Variants in CFI observed in about 807,000 individuals in gnomAD.
CFI encodes C3B/C4B inactivator.
In CFI, 66 loss-of-function variants were observed where a neutral mutation model predicts 78.8. The ratio of observed to expected loss-of-function variants is 0.84; its 90% CI spans 0.69 to 1.03. The LOEUF is 1.03. CFI is among the 50% of genes least tolerant of loss of function. The pLI is 0.00. For missense variants in CFI, 706 were observed against 704.5 expected (o/e 1.00, Z -0.02); for synonymous variants, 250 against 232.6 (o/e 1.07, Z -0.68).
At chr4:109,781,285 G>T (rs1216317594) in intron 1 of CFI, among the ~76,000 whole-genome samples, 2 of 151,664 alleles carry the variant, frequency 1.3e-5, no homozygotes, top group African/African-American at 4.8e-5. Context: ...AAGAAAAGAA[G>T]AGAAAAAAAT....
In CFI at chr4:109,782,406, A is replaced by G. The variant is rs550231086; in HGVS notation, c.58-15582T>C. Among the ~76,000 whole-genome samples the G allele has an allele frequency of 9.6e-4, 139 of 145,044 alleles. 1 individual carries two copies. Among genetic ancestry groups the G allele is most frequent in the African/African-American group, 3.4e-3 (133 of 39,002 alleles). On this transcript the variant is annotated intron_variant, in intron 1 of 12. Transcript: ENST00000394634. ...CGACCAAGCACAGAATCAAATCAAGAACTCAACCCCTTTTACAATAGCTGC... is the reference window on the plus strand; with the variant it reads ...CGACCAAGCACAGAATCAAATCAAGGACTCAACCCCTTTTACAATAGCTGC...
At chr4:109,756,945 GAA>G (rs1424963740) in intron 7 of CFI, among the ~76,000 whole-genome samples, 32 of 145,204 alleles carry the variant, frequency 2.2e-4, no homozygotes, top group African/African-American at 8.3e-4. Flanking sequence ...AAGAAAGAAA[GAA>G]AGAAAGAAAG....
downstream of CFI, among the ~76,000 whole-genome samples, chr4:109,738,112 CTTTT>C (rs141891533): frequency 2.4e-4 from 31 of 130,226 alleles, no homozygotes; most frequent in Admixed American, 3.1e-4. Context: ...GAGTACTTTT[CTTTT>C]TTTTTTTTTT....
intron 1 of CFI, among the ~76,000 whole-genome samples, chr4:109,769,169 C>T (rs1560548962): frequency 6.6e-6 from 1 of 152,074 alleles, no homozygotes; most frequent in Admixed American, 6.6e-5. Flanking sequence ...TTTTTTTCTA[C>T]CTTTATTCCT....
In CFI at chr4:109,764,892, T is replaced by G. The variant is rs576047053; in HGVS notation, c.329-202A>C. On this transcript the variant is annotated intron_variant, in intron 2 of 12. Coordinates refer to ENST00000394634, the MANE Select transcript of CFI (RefSeq NM_000204.5). ...TGCTATTCAGCTGTATAGAGGATCA[T>G]TAAATACTCACATCAACCCTATGAG... Among the ~76,000 whole-genome samples the G allele has an allele frequency of 2.0e-5, 3 of 152,306 alleles. No homozygotes were observed. The East Asian group carries it at 5.8e-4, about 29-fold the overall frequency.
intron 6 of CFI, among the ~76,000 whole-genome samples, chr4:109,758,359 G>C (rs944091813): frequency 1.3e-5 from 2 of 151,882 alleles, no homozygotes; most frequent in African/African-American, 2.4e-5. Context: ...TATTCATCAA[G>C]TAAATGAATA....
chr4:109,734,891 T>A, the CFI span, among the ~76,000 whole-genome samples: 1 of 152,240 alleles, frequency 6.6e-6, no homozygotes, highest in Non-Finnish European at 1.5e-5. Flanking sequence ...GTGCTTATTC[T>A]TGTCTGAATG....
intron 1 of CFI, among the ~76,000 whole-genome samples, chr4:109,791,822 T>C (rs1413346675): frequency 2.0e-5 from 3 of 152,324 alleles, no homozygotes; most frequent in Middle Eastern, 3.4e-3. Flanking sequence ...CATTTATCTT[T>C]GATAACTGCT....
chr4:109,761,228 T>C (rs1043736610), intron 4 of CFI, among the ~76,000 whole-genome samples: 5 of 152,224 alleles, frequency 3.3e-5, no homozygotes, highest in Non-Finnish European at 7.3e-5. Context: ...TTATGTTTGA[T>C]TGACTTGTGT....
In CFI at chr4:109,759,134, C is replaced by A. The variant is rs186594489; in HGVS notation, c.883+1136G>T. Among the ~76,000 whole-genome samples, 162 of 152,070 alleles carry A rather than the reference C, an allele frequency of 1.1e-3. 1 individual carries two copies. Among genetic ancestry groups the A allele is most frequent in the African/African-American group, 3.8e-3 (157 of 41,492 alleles). On this transcript the variant is annotated intron_variant, in intron 6 of 12. Coordinates refer to ENST00000394634, the MANE Select transcript of CFI (RefSeq NM_000204.5). Reference sequence around the variant, plus strand: ...AAGAATTCTTGCCTAAAATATTAAACCTTGCTCTTAAAAAAAAGTGTTCAT... The same window carrying A: ...AAGAATTCTTGCCTAAAATATTAAAACTTGCTCTTAAAAAAAAGTGTTCAT...
At chr4:109,785,434 CTTA>C (rs1560562819) in intron 1 of CFI, among the ~76,000 whole-genome samples, 1 of 152,004 alleles carries the variant, frequency 6.6e-6, no homozygotes, top group East Asian at 1.9e-4. Flanking sequence ...CAGCAGTGCA[CTTA>C]TTATTTATAT....
At chr4:109,799,271 C>G (rs1003700057) in intron 1 of CFI, among the ~76,000 whole-genome samples, 4 of 152,152 alleles carry the variant, frequency 2.6e-5, no homozygotes, top group African/African-American at 9.7e-5. Flanking sequence ...TCTTGCAATG[C>G]CTGTGCTTTG....
At chr4:109,799,893 G>T (rs1307001938) in intron 1 of CFI, among the ~76,000 whole-genome samples, 2 of 152,148 alleles carry the variant, frequency 1.3e-5, no homozygotes, top group Non-Finnish European at 2.9e-5. Flanking sequence ...GGACACAAAG[G>T]ACAGACACGC....
downstream of CFI, among the ~76,000 whole-genome samples, chr4:109,736,539 C>T (rs1723378567): frequency 6.6e-6 from 1 of 152,172 alleles, no homozygotes; most frequent in Non-Finnish European, 1.5e-5. Flanking sequence ...GATCTATGAG[C>T]ATGGGCTTGT....
chr4:109,761,763 G>A, intron 3 of CFI, 71 bp from the exon 4 acceptor site: 1 of 1,266,974 alleles, frequency 7.9e-7, no homozygotes, highest in Non-Finnish European at 1.1e-6. Flanking sequence ...TACTGTAGCA[G>A]GTAAGAAACT....
chr4:109,781,142 A>G (rs977993377), intron 1 of CFI, among the ~76,000 whole-genome samples: 6 of 152,336 alleles, frequency 3.9e-5, no homozygotes, highest in African/African-American at 9.6e-5. Flanking sequence ...AACTTAAAGT[A>G]TAAAAAAAAA....
rs994121713 is a variant in CFI at position 109,746,492 on chromosome 4, T to A, written c.1159A>T (p.Thr387Ser). ...TAAHCLRASKTHRYQIWTTVV... is the reference protein window; with the variant it reads ...TAAHCLRASKSHRYQIWTTVV... ...GTTGTCCATATTTGGTAACGATGAG[T>A]TTTACTGGCTCTATAACAGAAAAAA... The change falls in exon 11 of 13, where the codon ACT (threonine) becomes TCT (serine). Residue 387 changes from threonine (T) to serine (S), a missense_variant. Coordinates refer to ENST00000394634, the MANE Select transcript of CFI (RefSeq NM_000204.5). 2 of 1,610,768 alleles carry A rather than the reference T, an allele frequency of 1.2e-6. No individual in the cohort carries two copies. Among genetic ancestry groups the A allele is most frequent in the Non-Finnish European group, 8.5e-7 (1 of 1,178,256 alleles).
chr4:109,758,061 T>C (rs1415436100), intron 6 of CFI: 18 of 833,746 alleles, frequency 2.2e-5, no homozygotes, highest in Non-Finnish European at 2.9e-5. Flanking sequence ...ACTTAATAGT[T>C]AGAAGCATTA....
chr4:109,796,778 C>G (rs959595127), intron 1 of CFI, among the ~76,000 whole-genome samples: 4 of 152,198 alleles, frequency 2.6e-5, no homozygotes, highest in African/African-American at 9.6e-5. Context: ...ACCTGGGCAA[C>G]AGTGCAAAAC....
Sources: gnomAD v4.1 joint callset for allele counts (sites outside exome capture counted in the v4.1 genomes callset) on GRCh38, gnomAD v4.1.1 for gene constraint, MANE v1.5 for transcripts, NCBI Gene and HGNC (gene_info 2026-07-23, HGNC 2026-07-21) for gene names.